ZNF215: variants seen among roughly 807,000 people sequenced by gnomAD.
The protein encoded by ZNF215 is zinc finger protein 215.
ZNF215 carries 24 observed loss-of-function variants against 27.2 expected under a neutral mutation model. That is an observed-to-expected ratio of 0.88 (90% CI 0.64 to 1.24). The LOEUF (loss-of-function observed/expected upper bound fraction) is 1.24. ZNF215 is among the 50% of genes most tolerant of loss of function. ZNF215 has a pLI of 0.00. For missense variants in ZNF215, 675 were observed against 605.7 expected, an observed-to-expected ratio of 1.11 and a Z score of -1.20; for synonymous variants, 210 against 204.0, an observed-to-expected ratio of 1.03 and a Z score of -0.25.
Position 6,957,042 on chromosome 11 carries a change from C to T in ZNF215, c.*511C>T. ...CTAAGACAACAGTAACAGCCATTTA[C>T]TCCACTCCTGACAATACCCTTTGTT... is the stretch of plus-strand genomic sequence containing the variant. On this transcript the variant is annotated 3_prime_UTR_variant, in exon 7 of 7. Coordinates refer to ENST00000278319, the MANE Select transcript of ZNF215 (RefSeq NM_013250.4). 1 of 986,498 alleles carries T rather than the reference C, an allele frequency of 1.0e-6. No individual in the cohort carries two copies. Among genetic ancestry groups the T allele is most frequent in the African/African-American group, 1.7e-5 (1 of 57,370 alleles). The allele number at this position is 986,498 out of a possible 1,614,324, so 61.1% of individuals were successfully genotyped here. A position where few individuals can be genotyped will look rare whatever the true frequency, so the allele number is the denominator to read the frequency against.
At chr11:6,927,197 T>G (rs1050361381) in intron 1 of ZNF215, among the ~76,000 whole-genome samples, 21 of 152,220 alleles carry the variant, frequency 1.4e-4, no homozygotes, top group Non-Finnish European at 3.1e-4. Flanking sequence ...TTAATTCATA[T>G]TGCCTTGTTT....
chr11:6,987,505 G>A (rs144791662), downstream of ZNF215, among the ~76,000 whole-genome samples: 100 of 152,188 alleles, frequency 6.6e-4, no homozygotes, highest in African/African-American at 2.2e-3. Context: ...ACTTGCACAT[G>A]TATCCCCGAC....
chr11:6,971,602 T>C (rs935297774), intron 5 of ZNF215, among the ~76,000 whole-genome samples: 51 of 152,278 alleles, frequency 3.3e-4, no homozygotes, highest in African/African-American at 1.2e-3. Context: ...CTTTGAGTTC[T>C]TTGAGTACAT....
chr11:6,986,427 T>G (rs1434459424), downstream of ZNF215, among the ~76,000 whole-genome samples: 2 of 152,126 alleles, frequency 1.3e-5, no homozygotes, highest in Non-Finnish European at 2.9e-5. Context: ...ACAAAAATCC[T>G]AGATGAAAAC....
intron 5 of ZNF215, among the ~76,000 whole-genome samples, chr11:6,977,263 T>C (rs948559299): frequency 3.9e-5 from 6 of 152,032 alleles, no homozygotes; most frequent in Non-Finnish European, 7.4e-5. Context: ...AGTAGTGTGA[T>C]GAAATTTTGC....
At chr11:6,955,320 G>C (rs763993811) in intron 6 of ZNF215, among the ~76,000 whole-genome samples, 4 of 152,178 alleles carry the variant, frequency 2.6e-5, no homozygotes, top group Non-Finnish European at 5.9e-5. Flanking sequence ...TTGGTAAACA[G>C]CTTGGGATAA....
chr11:6,941,539 G>C (rs768383621), intron 3 of ZNF215, 32 bp from the exon 4 acceptor site: 6 of 1,599,572 alleles, frequency 3.8e-6, no homozygotes, highest in Middle Eastern at 1.7e-4. Context: ...GGCAAAACTT[G>C]TCTCCCTAAT....
intron 5 of ZNF215, chr11:6,984,105 C>T: frequency 4.9e-6 from 2 of 407,660 alleles, no homozygotes; most frequent in South Asian, 1.7e-5. Context: ...TTGACAATGT[C>T]CCTTAAATTT....
chr11:6,942,795 T>C (rs908169741), intron 4 of ZNF215, among the ~76,000 whole-genome samples: 4 of 152,212 alleles, frequency 2.6e-5, no homozygotes, highest in African/African-American at 4.8e-5. Flanking sequence ...TCTACAGTTA[T>C]TCCAGTTGTC....
chr11:6,978,615 A>G (rs981609089), intron 5 of ZNF215, among the ~76,000 whole-genome samples: 2 of 152,098 alleles, frequency 1.3e-5, no homozygotes, highest in Middle Eastern at 3.4e-3. Context: ...GATATATCCA[A>G]TATGGTAGAA....
At chr11:6,941,999 AG>A (rs1849647637) in intron 4 of ZNF215, among the ~76,000 whole-genome samples, 2 of 152,248 alleles carry the variant, frequency 1.3e-5, no homozygotes, top group Admixed American at 6.5e-5. Flanking sequence ...CTAAAAAGAC[AG>A]GACCAAAAGA....
At chr11:6,990,325 C>T (rs1237950908), downstream of ZNF215, among the ~76,000 whole-genome samples, 1 of 151,910 alleles carries the variant, frequency 6.6e-6, no homozygotes, top group Non-Finnish European at 1.5e-5. Context: ...TTTCCAGTGG[C>T]AAAGTCACAA....
intron 3 of ZNF215, among the ~76,000 whole-genome samples, chr11:6,940,743 A>T (rs1849607382): frequency 6.6e-6 from 1 of 152,216 alleles, no homozygotes. Context: ...AAGCTCATTA[A>T]AAGTTTTAAA....
chr11:6,939,724 G>T (rs1181574812), intron 3 of ZNF215, among the ~76,000 whole-genome samples: 1 of 152,160 alleles, frequency 6.6e-6, no homozygotes, highest in Non-Finnish European at 1.5e-5. Context: ...ACTTCAAGAA[G>T]GGGAGGTCAG....
intron 6 of ZNF215, among the ~76,000 whole-genome samples, chr11:6,952,938 A>G (rs1254734187): frequency 6.6e-6 from 1 of 152,086 alleles, no homozygotes; most frequent in Admixed American, 6.6e-5. Context: ...TGGTGGTGAC[A>G]AAATCTCTCA....
chr11:6,971,104 G>GAA (rs535725809), intron 5 of ZNF215, among the ~76,000 whole-genome samples: 3 of 139,504 alleles, frequency 2.2e-5, no homozygotes, highest in East Asian at 2.1e-4. Flanking sequence ...ACTGTTACAT[G>GAA]AAAAAAAAAA....
chr11:6,981,590 C>T (rs886995091), intron 5 of ZNF215, among the ~76,000 whole-genome samples: 1 of 151,790 alleles, frequency 6.6e-6, no homozygotes, highest in Non-Finnish European at 1.5e-5. Context: ...GTTTCTTTTG[C>T]TGTGCAGAAG....
Position 6,955,678 on chromosome 11 carries a change from A to T in ZNF215, c.713-12A>T, listed in dbSNP as rs1241871066. 1 of 1,530,616 alleles carries T rather than the reference A, an allele frequency of 6.5e-7. No homozygotes were observed. Among genetic ancestry groups the T allele is most frequent in the Non-Finnish European group, 8.7e-7 (1 of 1,145,456 alleles). 94.8% of individuals were successfully genotyped at this position (1,530,616 alleles called of 1,614,324 possible). On this transcript the variant is annotated splice_polypyrimidine_tract_variant and intron_variant, in intron 6 of 6. Coordinates refer to ENST00000278319, the MANE Select transcript of ZNF215 (RefSeq NM_013250.4). ...TCCCTTCTAGTTCATGGCATTTTTTATTTCTCTTTAGACATGAAGAGTATT... is the reference window on the plus strand; with the variant it reads ...TCCCTTCTAGTTCATGGCATTTTTTTTTTCTCTTTAGACATGAAGAGTATT...
In ZNF215 at chr11:6,964,675, T is replaced by C. The variant is rs1274623154; in HGVS notation, c.805+8893T>C. On this transcript the variant is annotated intron_variant, in intron 5 of 5. Coordinates refer to the ZNF215 transcript ENST00000529903. ...GCCTTGAAATCAGATCATGTAAGTC[T>C]TCTTAGGTCTTTTTTTTTTTTTATT... Among the ~76,000 whole-genome samples the C allele has an allele frequency of 2.0e-5, 3 of 150,886 alleles. No individual in the cohort carries two copies. In the East Asian group the frequency reaches 5.9e-4, roughly 30 times the overall value.
Sources: gnomAD v4.1 joint callset for allele counts (sites outside exome capture counted in the v4.1 genomes callset) on GRCh38, gnomAD v4.1.1 for gene constraint, MANE v1.5 for transcripts, NCBI Gene and HGNC (gene_info 2026-07-23, HGNC 2026-07-21) for gene names.